Variants in CAPN5 observed in about 807,000 individuals in gnomAD.
The protein encoded by CAPN5 is calpain 5, also known as calpain-5.
A neutral mutation model predicts 73.0 loss-of-function variants in CAPN5; 54 were observed. That is an observed-to-expected ratio of 0.74 (90% CI 0.59 to 0.93). The LOEUF (loss-of-function observed/expected upper bound fraction) is 0.93, where lower values mean the gene tolerates loss of function less well. Ranked by LOEUF, CAPN5 falls within the 40% of genes least tolerant of loss-of-function variation. The probability of loss-of-function intolerance (pLI) is 0.00; values close to 1 mark genes in which losing one functional copy is unlikely to be tolerated. For missense variants in CAPN5, 785 were observed against 882.9 expected (o/e 0.89, Z 1.41); for synonymous variants, 335 against 356.9 (o/e 0.94, Z 0.69).
chr11:77,115,978 C>A lies in CAPN5; in HGVS notation c.894-248C>A, dbSNP rs1043399603. On this transcript the variant is annotated intron_variant, in intron 6 of 12. Transcript: ENST00000648180. ...CTGGGGGTCGCACCCCCCTTCCCCC[C>A]AGTCTGCAGCTTTACTTTCAGACCT... 4.6e-5 allele frequency among the ~76,000 whole-genome samples: 7 copies of A among 152,078 alleles called. No individual in the cohort carries two copies. The South Asian group carries it at 8.3e-4, about 18-fold the overall frequency.
At chr11:77,083,902 C>G (rs1204207832) in intron 1 of CAPN5, among the ~76,000 whole-genome samples, 1 of 152,222 alleles carries the variant, frequency 6.6e-6, no homozygotes, top group South Asian at 2.1e-4. Context: ...GCCTTGGTTT[C>G]CCTCAGGGCT....
rs1555042688 is a variant in CAPN5 at position 77,120,818 on chromosome 11, G to A, written c.1396G>A (p.Gly466Ser). 3 of 1,614,034 alleles carry A rather than the reference G, an allele frequency of 1.9e-6. No individual in the cohort carries two copies. The South Asian group carries it at 3.3e-5, about 18-fold the overall frequency. The change falls in exon 10 of 13, where the codon GGC becomes AGC. Residue 466 changes from glycine to serine, a missense_variant. Physicochemically the swap from Gly to Ser is moderately conservative, Grantham distance 56. Coordinates refer to ENST00000648180, the MANE Select transcript of CAPN5 (RefSeq NM_004055.5). ...SVFLRTDQPE[G>S]RYVIIPTTFE... ...CTTCCTGCGCACCGACCAGCCCGAG[G>A]GCCGCTATGTCATCATCCCCACAAC...
rs1160665064 is a variant in CAPN5 at position 77,112,758 on chromosome 11, A to G, written c.467A>G (p.Asn156Ser). 3.7e-6 allele frequency: 6 copies of G among 1,614,108 alleles called. No homozygotes were observed. Among genetic ancestry groups the G allele is most frequent in the African/African-American group, 2.7e-5 (2 of 74,940 alleles). ...ATCTACTGCCACTCCAACTCCCGCA[A>G]TGAGTTTTGGTGCGCCCTAGTGGAG... ...QLIYCHSNSR[N>S]EFWCALVEKA... is the part of the protein sequence containing the mutation. Residue 156 changes from asparagine to serine, a missense_variant, in exon 4 of 13, where the codon AAT becomes AGT. Asn to Ser is a conservative substitution (Grantham distance 46). Transcript: ENST00000648180.
chr11:77,110,630 G>A (rs903996445), intron 3 of CAPN5, among the ~76,000 whole-genome samples: 1 of 152,234 alleles, frequency 6.6e-6, no homozygotes, highest in Admixed American at 6.5e-5. Flanking sequence ...TGAGGCTCAG[G>A]GGTGCTAGTG....
chr11:77,088,969 C>T (rs75874649), intron 2 of CAPN5, among the ~76,000 whole-genome samples: 20,564 of 152,116 alleles, frequency 0.14, 1,641 homozygotes, highest in East Asian at 0.29. Context: ...AACCCCCAGC[C>T]CTCAGGGGTA....
chr11:77,115,705 C>T, intron 6 of CAPN5, 117 bp downstream of exon 6: 2 of 759,706 alleles, frequency 2.6e-6, no homozygotes, highest in Admixed American at 2.7e-5. Flanking sequence ...GGGAGGATGA[C>T]ACTAGGAACG....
chr11:77,093,428 AC>A (rs1200550985), intron 2 of CAPN5, among the ~76,000 whole-genome samples: 1 of 152,076 alleles, frequency 6.6e-6, no homozygotes, highest in Non-Finnish European at 1.5e-5. Flanking sequence ...TCATCAGCAA[AC>A]CTTTAGCGGA....
intron 3 of CAPN5, among the ~76,000 whole-genome samples, chr11:77,097,310 T>A (rs1242945370): frequency 1.3e-5 from 2 of 152,114 alleles, no homozygotes; most frequent in Admixed American, 6.5e-5. Context: ...GCAGTTCCCT[T>A]AGTGCACATG....
At position 77,119,032 on chromosome 11, in the gene CAPN5, C is replaced by T. The variant is rs781882976; in HGVS notation, c.1170C>T (p.Tyr390=). ...TCTCTCCTTGGCCACACCTGCAGTA[C>T]ATCTTCGAAGTCAAGAAGCCAGAAG... ...HKDTFFQNPQ[Y]IFEVKKPEDE... The change falls in exon 9 of 13, where the codon TAC becomes TAT. Residue 390 remains tyrosine, a splice_region_variant and synonymous_variant. Transcript: ENST00000648180. 1 of 1,612,326 alleles carries T rather than the reference C, an allele frequency of 6.2e-7. No individual in the cohort carries two copies. Among genetic ancestry groups the T allele is most frequent in the South Asian group, 1.1e-5 (1 of 90,574 alleles).
At chr11:77,110,395 GGA>G (rs1203007967) in intron 3 of CAPN5, among the ~76,000 whole-genome samples, 1 of 152,196 alleles carries the variant, frequency 6.6e-6, no homozygotes, top group Non-Finnish European at 1.5e-5. Context: ...AGCAAAGTGG[GGA>G]GAGAGTGCCA....
intron 2 of CAPN5, among the ~76,000 whole-genome samples, chr11:77,088,385 G>A (rs575218986): frequency 1.3e-5 from 2 of 152,142 alleles, no homozygotes; most frequent in Non-Finnish European, 2.9e-5. Flanking sequence ...GCCTGGCAGC[G>A]GGGGCACACC....
intron 3 of CAPN5, among the ~76,000 whole-genome samples, chr11:77,101,719 C>T (rs1950286130): frequency 6.6e-6 from 1 of 152,130 alleles, no homozygotes; most frequent in Non-Finnish European, 1.5e-5. Flanking sequence ...CTGTGTGTGG[C>T]GTGTTGTGGC....
At chr11:77,120,650 G>A (rs1402222049) in intron 9 of CAPN5, 63 bp from the exon 10 acceptor site, 10 of 1,119,430 alleles carry the variant, frequency 8.9e-6, no homozygotes, top group Middle Eastern at 2.0e-4. Context: ...AGGGGGAGGC[G>A]GGGTGGGCCA....
chr11:77,105,122 G>C lies in CAPN5; in HGVS notation c.298-7467G>C, dbSNP rs1206147502. Among the ~76,000 whole-genome samples the C allele has an allele frequency of 5.3e-5, 8 of 151,658 alleles. No homozygotes were observed. In the East Asian group the frequency reaches 1.2e-3, roughly 22 times the overall value. On this transcript the variant is annotated intron_variant, in intron 3 of 12. Coordinates refer to ENST00000648180, the MANE Select transcript of CAPN5 (RefSeq NM_004055.5). Reference sequence around the variant, plus strand: ...TCTGGGGACCCTCTTAGTCCCGACTGCCTGTCTCCCCAGCCTATCTGTCCC... The same window carrying C: ...TCTGGGGACCCTCTTAGTCCCGACTCCCTGTCTCCCCAGCCTATCTGTCCC...
Position 77,107,910 on chromosome 11 carries a change from C to A in CAPN5, c.298-4679C>A, listed in dbSNP as rs140936739. Among the ~76,000 whole-genome samples, 16 of 152,302 alleles carry A rather than the reference C, an allele frequency of 1.1e-4. No individual in the cohort carries two copies. The East Asian group carries it at 3.1e-3, about 29-fold the overall frequency. On this transcript the variant is annotated intron_variant, in intron 3 of 12. Coordinates refer to ENST00000648180, the MANE Select transcript of CAPN5 (RefSeq NM_004055.5). ...TGTTGTGTGAAGGCACACATGTGTA[C>A]ACCAACACAGATGACCCCTCATGTG...
intron 3 of CAPN5, among the ~76,000 whole-genome samples, chr11:77,097,178 T>C (rs1359100646): frequency 2.0e-5 from 3 of 151,930 alleles, no homozygotes; most frequent in African/African-American, 7.2e-5. Context: ...GCCAAGATCA[T>C]GCCACTGCAC....
At chr11:77,087,889 C>T in intron 2 of CAPN5, 1 of 1,535,470 alleles carries the variant, frequency 6.5e-7, no homozygotes, top group Non-Finnish European at 8.7e-7. Context: ...TGGGCACCTG[C>T]CTTCAGCCCA....
intron 4 of CAPN5, 69 bp downstream of exon 4, chr11:77,112,866 G>A (rs563733235): frequency 7.0e-7 from 1 of 1,436,312 alleles, no homozygotes; most frequent in South Asian, 1.2e-5. Context: ...GCTCCTCGTG[G>A]TATTCCGTTA....
intron 3 of CAPN5, among the ~76,000 whole-genome samples, chr11:77,102,405 C>T (rs544702283): frequency 2.0e-5 from 3 of 152,328 alleles, no homozygotes; most frequent in African/African-American, 7.2e-5. Flanking sequence ...CCACCTGCTC[C>T]TGCGGGTCTT....
Sources: gnomAD v4.1 joint callset for allele counts (sites outside exome capture counted in the v4.1 genomes callset) on GRCh38, gnomAD v4.1.1 for gene constraint, MANE v1.5 for transcripts, NCBI Gene and HGNC (gene_info 2026-07-23, HGNC 2026-07-21) for gene names.